PPM1E: variants seen among roughly 807,000 people sequenced by gnomAD.
PPM1E encodes the protein protein phosphatase 1E.
A neutral mutation model predicts 65.9 loss-of-function variants in PPM1E; 20 were observed. The observed-to-expected ratio is 0.30, with a 90% CI of 0.21 to 0.44. The LOEUF (loss-of-function observed/expected upper bound fraction) is 0.44. Among genes scored for constraint, PPM1E ranks in the 20% least tolerant of loss-of-function variants. PPM1E has a pLI of 1.00. For missense variants in PPM1E, 713 were observed against 953.1 expected, an observed-to-expected ratio of 0.75 and a Z score of 3.32; for synonymous variants, 352 against 374.9, an observed-to-expected ratio of 0.94 and a Z score of 0.70.
chr17:58,847,049 T>C (rs1567852208), intron 1 of PPM1E, among the ~76,000 whole-genome samples: 1 of 152,224 alleles, frequency 6.6e-6, no homozygotes, highest in African/African-American at 2.4e-5. Context: ...CATGTGTCTT[T>C]TGGCTGCATA....
intron 1 of PPM1E, among the ~76,000 whole-genome samples, chr17:58,765,436 A>G (rs1006908833): frequency 1.3e-5 from 2 of 152,040 alleles, no homozygotes; most frequent in African/African-American, 4.8e-5. Context: ...TTGGCCTCCC[A>G]AAGTGCTGGG....
At chr17:58,855,944 A>G (rs535528940) in intron 1 of PPM1E, among the ~76,000 whole-genome samples, 14 of 152,330 alleles carry the variant, frequency 9.2e-5, no homozygotes, top group African/African-American at 3.4e-4. Flanking sequence ...TTTATCAAAG[A>G]AATATGTAGA....
At chr17:58,906,050 C>T (rs893393672) in intron 1 of PPM1E, among the ~76,000 whole-genome samples, 7 of 152,086 alleles carry the variant, frequency 4.6e-5, no homozygotes, top group African/African-American at 1.2e-4. Context: ...TTGAGTCTTG[C>T]AAGGAATTGA....
At chr17:58,967,785 T>G (rs953708571) in intron 3 of PPM1E, among the ~76,000 whole-genome samples, 2 of 151,752 alleles carry the variant, frequency 1.3e-5, no homozygotes, top group African/African-American at 4.8e-5. Flanking sequence ...AAATTCTACC[T>G]GTCAGCATTC....
chr17:58,927,997 T>G (rs969423627), intron 1 of PPM1E, among the ~76,000 whole-genome samples: 1 of 151,382 alleles, frequency 6.6e-6, no homozygotes, highest in Non-Finnish European at 1.5e-5. Context: ...GAGGCAGAGG[T>G]TGCAGCGAGC....
At chr17:58,791,861 C>T (rs1392621574) in intron 1 of PPM1E, among the ~76,000 whole-genome samples, 4 of 152,064 alleles carry the variant, frequency 2.6e-5, no homozygotes, top group African/African-American at 4.8e-5. Context: ...TATAAATAGC[C>T]TCTGTATTCC....
At chr17:58,878,735 C>G in intron 1 of PPM1E, among the ~76,000 whole-genome samples, 1 of 150,620 alleles carries the variant, frequency 6.6e-6, no homozygotes, top group South Asian at 2.1e-4. Flanking sequence ...GAGTTTGAGA[C>G]CAGCCTGACC....
chr17:58,928,440 CACA>C (rs2051851266), intron 1 of PPM1E, among the ~76,000 whole-genome samples: 1 of 151,844 alleles, frequency 6.6e-6, no homozygotes, highest in Non-Finnish European at 1.5e-5. Context: ...TAACTAAAAT[CACA>C]ACAAGATACT....
At chr17:58,951,670 C>T (rs2052240276) in intron 1 of PPM1E, among the ~76,000 whole-genome samples, 1 of 120,306 alleles carries the variant, frequency 8.3e-6, no homozygotes, top group Admixed American at 8.5e-5. Context: ...GTGAGACTCT[C>T]TTTAAAAAAA....
intron 1 of PPM1E, among the ~76,000 whole-genome samples, chr17:58,866,992 CTTTTT>C (rs2051012722): frequency 6.6e-6 from 1 of 151,972 alleles, no homozygotes; most frequent in Admixed American, 6.6e-5. Flanking sequence ...TTTATTTTTT[CTTTTT>C]TGAGATGGAG....
chr17:58,806,154 A>G (rs1030603654), intron 1 of PPM1E, among the ~76,000 whole-genome samples: 1 of 152,104 alleles, frequency 6.6e-6, no homozygotes. Flanking sequence ...TTTACAAATA[A>G]GCAAACAAAC....
rs568416059 is a variant in PPM1E at position 58,811,465 on chromosome 17, A to C, written c.464+55004A>C. Among the ~76,000 whole-genome samples, 3 of 152,198 alleles carry C rather than the reference A, an allele frequency of 2.0e-5. No individual in the cohort carries two copies. In the South Asian group the frequency reaches 6.2e-4, roughly 31 times the overall value. On this transcript the variant is annotated intron_variant, in intron 1 of 6. Transcript: ENST00000308249. The stretch of plus-strand genomic sequence containing the variant: ...ACAATCTTCTTGGCAACCAAATTGC[A>C]TTACATCTTCAATATCTGTTATTAA...
At chr17:58,779,317 A>G (rs550832453) in intron 1 of PPM1E, among the ~76,000 whole-genome samples, 284 of 151,662 alleles carry the variant, frequency 1.9e-3, no homozygotes, top group African/African-American at 6.6e-3. Context: ...GATTATAGGC[A>G]TGCACCACCA....
chr17:58,916,059 A>G (rs1261840531), intron 1 of PPM1E, among the ~76,000 whole-genome samples: 1 of 152,160 alleles, frequency 6.6e-6, no homozygotes, highest in African/African-American at 2.4e-5. Context: ...TGCCCAGTCT[A>G]GACTCAAACT....
At chr17:58,969,149 A>G (rs1470082124) in intron 3 of PPM1E, among the ~76,000 whole-genome samples, 1 of 152,184 alleles carries the variant, frequency 6.6e-6, no homozygotes, top group East Asian at 1.9e-4. Flanking sequence ...TTTGAAAAAA[A>G]TCACTCAATC....
intron 6 of PPM1E, 24 bp from the exon 7 acceptor site, chr17:58,979,950 G>A: frequency 6.4e-7 from 1 of 1,569,394 alleles, no homozygotes; most frequent in Non-Finnish European, 8.7e-7. Flanking sequence ...TGCTAATGAT[G>A]CCCCTACACT....
intron 1 of PPM1E, among the ~76,000 whole-genome samples, chr17:58,815,138 C>T (rs920452124): frequency 7.2e-5 from 11 of 152,054 alleles, no homozygotes; most frequent in Non-Finnish European, 1.6e-4. Flanking sequence ...TATCTTTTAC[C>T]AGATTAACTT....
chr17:58,891,011 C>T (rs987286034), intron 1 of PPM1E, among the ~76,000 whole-genome samples: 6 of 151,728 alleles, frequency 4.0e-5, no homozygotes, highest in African/African-American at 1.5e-4. Context: ...GCTCTTGTTA[C>T]CCAGGCTGCA....
intron 1 of PPM1E, among the ~76,000 whole-genome samples, chr17:58,760,922 A>G (rs999353353): frequency 2.6e-5 from 4 of 152,242 alleles, no homozygotes; most frequent in Non-Finnish European, 5.9e-5. Context: ...CCTAGGGTAT[A>G]GTCTAAGAGG....
Sources: gnomAD v4.1 joint callset for allele counts (sites outside exome capture counted in the v4.1 genomes callset) on GRCh38, gnomAD v4.1.1 for gene constraint, MANE v1.5 for transcripts, NCBI Gene and HGNC (gene_info 2026-07-23, HGNC 2026-07-21) for gene names.